Variants in SEPTIN14 observed in about 807,000 individuals in gnomAD.
The protein encoded by SEPTIN14 is septin-14.
A neutral mutation model predicts 53.6 loss-of-function variants in SEPTIN14; 40 were observed. That is an observed-to-expected ratio of 0.75 (90% confidence interval 0.58 to 0.97). The LOEUF is 0.97. Ranked by LOEUF, SEPTIN14 falls within the 50% of genes least tolerant of loss-of-function variation. The pLI, the probability that SEPTIN14 is intolerant of heterozygous loss-of-function variation, is 0.00. For missense variants in SEPTIN14, 471 were observed against 508.2 expected, an observed-to-expected ratio of 0.93 and a Z score of 0.70; for synonymous variants, 138 against 166.8, an observed-to-expected ratio of 0.83 and a Z score of 1.33.
At chr7:55,848,586 G>A (rs1325104554) in intron 2 of SEPTIN14, among the ~76,000 whole-genome samples, 1 of 150,778 alleles carries the variant, frequency 6.6e-6, no homozygotes, top group East Asian at 2.0e-4. Flanking sequence ...TTGAGTCACT[G>A]AGCCCGATCT....
intron 2 of SEPTIN14, among the ~76,000 whole-genome samples, chr7:55,849,523 A>G (rs1333995552): frequency 1.3e-5 from 2 of 152,008 alleles, no homozygotes; most frequent in African/African-American, 2.4e-5. Context: ...AGGCAGGGAG[A>G]TCACCTGAGG....
intron 5 of SEPTIN14, among the ~76,000 whole-genome samples, chr7:55,837,498 T>C (rs1789232514): frequency 6.6e-6 from 1 of 152,162 alleles, no homozygotes; most frequent in South Asian, 2.1e-4. Context: ...TGAGGCATCA[T>C]AATTTTCCCA....
chr7:55,859,541 T>C (rs1253368288), intron 2 of SEPTIN14, among the ~76,000 whole-genome samples: 1 of 152,210 alleles, frequency 6.6e-6, no homozygotes, highest in Non-Finnish European at 1.5e-5. Context: ...TGTGTGATGC[T>C]CTGTGTTCAT....
intron 2 of SEPTIN14, among the ~76,000 whole-genome samples, 166 bp downstream of exon 2, chr7:55,861,777 A>G (rs1482891319): frequency 1.3e-5 from 2 of 152,174 alleles, no homozygotes; most frequent in Non-Finnish European, 2.9e-5. Context: ...CTAAATCACC[A>G]TTGATACTTA....
chr7:55,800,412 T>C (rs895751699), intron 9 of SEPTIN14, among the ~76,000 whole-genome samples: 4 of 152,110 alleles, frequency 2.6e-5, no homozygotes, highest in African/African-American at 9.7e-5. Context: ...TCACCTGAGG[T>C]CAGGAGTTTG....
chr7:55,819,080 A>G lies in SEPTIN14; in HGVS notation c.817+47T>C, dbSNP rs185132156. 3 of 1,022,954 alleles carry G rather than the reference A, an allele frequency of 2.9e-6. No homozygotes were observed. In the African/African-American group the frequency reaches 4.8e-5, roughly 16 times the overall value. 63.4% of individuals were successfully genotyped at this position (1,022,954 alleles called of 1,614,324 possible). A position where few individuals can be genotyped will look rare whatever the true frequency, so the allele number is the denominator to read the frequency against. On this transcript the variant is annotated intron_variant, in intron 7 of 9. Coordinates refer to ENST00000388975, the MANE Select transcript of SEPTIN14 (RefSeq NM_207366.3). Reference sequence around the variant, plus strand: ...TATTTTGAGACTATGAGTGATACACATATATTTAACTTAATCATTCCAAAG... The same window carrying G: ...TATTTTGAGACTATGAGTGATACACGTATATTTAACTTAATCATTCCAAAG...
chr7:55,855,803 C>T (rs367573007), intron 2 of SEPTIN14, among the ~76,000 whole-genome samples: 6 of 152,192 alleles, frequency 3.9e-5, no homozygotes, highest in African/African-American at 9.6e-5. Flanking sequence ...CCACCCACCT[C>T]GCCCTCCCAA....
At chr7:55,811,496 C>CTTTTTT (rs1170803437) in intron 7 of SEPTIN14, 24 of 181,084 alleles carry the variant, frequency 1.3e-4, no homozygotes, top group African/African-American at 1.6e-4. Context: ...TTTTACAGTT[C>CTTTTTT]TTTTTTTTTT....
Position 55,794,412 on chromosome 7 carries a change from T to C in SEPTIN14, c.*1501A>G, listed in dbSNP as rs963812944. The stretch of plus-strand genomic sequence containing the variant: ...GAAAGTCAATAATCTACATTTTTAA[T>C]GTATGCATATGGCATAGCTAATGTA... On this transcript the variant is annotated 3_prime_UTR_variant, in exon 10 of 10. Coordinates refer to ENST00000388975, the MANE Select transcript of SEPTIN14 (RefSeq NM_207366.3). 6.6e-6 allele frequency: 1 copy of C among 152,206 alleles called. No individual in the cohort carries two copies. Among genetic ancestry groups the C allele is most frequent in the African/African-American group, 2.4e-5 (1 of 41,466 alleles). 9.4% of individuals were successfully genotyped at this position (152,206 alleles called of 1,614,324 possible).
chr7:55,809,060 C>G (rs1788652984), intron 7 of SEPTIN14, among the ~76,000 whole-genome samples: 1 of 151,996 alleles, frequency 6.6e-6, no homozygotes, highest in African/African-American at 2.4e-5. Context: ...AACATATACA[C>G]TATGGAATAC....
In SEPTIN14 at chr7:55,853,115, G is replaced by A. The variant is rs111710799; in HGVS notation, c.55-6478C>T. Among the ~76,000 whole-genome samples the A allele has an allele frequency of 6.0e-3, 918 of 152,250 alleles. 8 individuals are homozygous for A. The highest frequency in any genetic ancestry group is 0.018 in the African/African-American group (744 of 41,560). ...GCAAATGTGAATTAGTATGGAGAACGTATGGAGGTACCTCAAAAAACTAAA... is the reference window on the plus strand; with the variant it reads ...GCAAATGTGAATTAGTATGGAGAACATATGGAGGTACCTCAAAAAACTAAA... On this transcript the variant is annotated intron_variant, in intron 2 of 9. Coordinates refer to ENST00000388975, the MANE Select transcript of SEPTIN14 (RefSeq NM_207366.3).
intron 2 of SEPTIN14, among the ~76,000 whole-genome samples, chr7:55,856,600 C>G (rs573767372): frequency 6.6e-6 from 1 of 151,846 alleles, no homozygotes; most frequent in East Asian, 2.0e-4. Flanking sequence ...ACCATGTTGG[C>G]CAGCCTGGTC....
intron 6 of SEPTIN14, among the ~76,000 whole-genome samples, chr7:55,824,580 C>G (rs78870744): frequency 0.059 from 8,851 of 150,188 alleles, 481 homozygotes; most frequent in East Asian, 0.24. Context: ...GTCAGGAGTT[C>G]AAGACTAGCC....
At chr7:55,860,732 C>T (rs1789729482) in intron 2 of SEPTIN14, among the ~76,000 whole-genome samples, 1 of 152,026 alleles carries the variant, frequency 6.6e-6, no homozygotes, top group Non-Finnish European at 1.5e-5. Context: ...CATATGGCTC[C>T]ACCCACATGA....
chr7:55,833,472 G>A (rs977052421), intron 6 of SEPTIN14, among the ~76,000 whole-genome samples: 1 of 152,026 alleles, frequency 6.6e-6, no homozygotes, highest in African/African-American at 2.4e-5. Context: ...GCTCACACCT[G>A]TAATCCCAGC....
chr7:55,848,801 G>T (rs1017978970), intron 2 of SEPTIN14, among the ~76,000 whole-genome samples: 3 of 150,036 alleles, frequency 2.0e-5, no homozygotes, highest in African/African-American at 4.9e-5. Flanking sequence ...TAGAGATGGG[G>T]TTTCACCGTG....
chr7:55,846,395 A>C (rs940156980), intron 3 of SEPTIN14, 122 bp downstream of exon 3: 2 of 685,752 alleles, frequency 2.9e-6, no homozygotes, highest in Non-Finnish European at 4.7e-6. Context: ...CTAAGATGAG[A>C]ATCACTGTAA....
chr7:55,847,116 G>A (rs762238633), intron 2 of SEPTIN14, among the ~76,000 whole-genome samples: 1 of 152,132 alleles, frequency 6.6e-6, no homozygotes, highest in African/African-American at 2.4e-5. Context: ...GCTGAGGCAG[G>A]AGAATCACTT....
rs778117180 is a variant in SEPTIN14 at position 55,819,154 on chromosome 7, G to A, written c.790C>T (p.Arg264Cys). Residue 264 changes from arginine (R) to cysteine (C), a missense_variant, in exon 7 of 10, where the codon CGT becomes TGT. Physicochemically the swap from Arg to Cys is radical, Grantham distance 180. Coordinates refer to ENST00000388975, the MANE Select transcript of SEPTIN14 (RefSeq NM_207366.3). ...VKVGKRMVRG[R>C]HYPWGVLQVE... ...TGCAAAACTCCCCAAGGGTAGTGACGGCCTCTGACCATCCTTTTTCCAACT... is the reference window on the plus strand; with the variant it reads ...TGCAAAACTCCCCAAGGGTAGTGACAGCCTCTGACCATCCTTTTTCCAACT... 111 of 1,585,272 alleles carry A rather than the reference G, an allele frequency of 7.0e-5. No homozygotes were observed. Among genetic ancestry groups the A allele is most frequent in the Non-Finnish European group, 9.4e-5 (109 of 1,164,738 alleles).
Sources: allele counts gnomAD v4.1 joint callset (sites outside exome capture counted in the v4.1 genomes callset), GRCh38; gene constraint gnomAD v4.1.1; transcripts MANE v1.5; gene names NCBI Gene and HGNC (gene_info 2026-07-23, HGNC 2026-07-21).